The following ERG variants were observed in gnomAD, a reference collection of about 807,000 sequenced individuals.
ERG encodes the protein transcriptional regulator ERG.
In ERG, 9 loss-of-function variants were observed where a neutral mutation model predicts 55.3. The ratio of observed to expected loss-of-function variants is 0.16; its 90% CI spans 0.10 to 0.28. ERG has a LOEUF of 0.28. Among genes scored for constraint, ERG ranks in the 10% least tolerant of loss-of-function variants. ERG has a pLI of 1.00. For missense variants in ERG, 434 were observed against 631.6 expected (o/e 0.69, Z 3.35); for synonymous variants, 223 against 237.3 (o/e 0.94, Z 0.55).
chr21:38,392,235 A>G, intron 7 of ERG, 141 bp downstream of exon 7: 2 of 759,502 alleles, frequency 2.6e-6, no homozygotes, highest in South Asian at 1.5e-5. Flanking sequence ...TGAAAGATCA[A>G]TTGTACTCTT....
intron 2 of ERG, among the ~76,000 whole-genome samples, chr21:38,440,430 C>G (rs2058829749): frequency 6.6e-6 from 1 of 152,244 alleles, no homozygotes; most frequent in Non-Finnish European, 1.5e-5. Context: ...TCGAGCTGGG[C>G]TGACACAGCC....
rs927707161 is a variant in ERG, at chr21:38,460,265, G to T, written c.19-14644C>A. ...AGGAGGTGAACCAGGAAAGGCTGGG[G>T]GTGGTAGAGCCTTGCAGGCCATGGC... On this transcript the variant is annotated intron_variant, in intron 1 of 9. Transcript: ENST00000288319. This position sits in a 1 kb window ranked among gnomAD's most constrained non-coding sequence, Gnocchi z 5.0. Among the ~76,000 whole-genome samples, 1 of 152,176 alleles carries T rather than the reference G, an allele frequency of 6.6e-6. No individual in the cohort carries two copies. Among genetic ancestry groups the T allele is most frequent in the Non-Finnish European group, 1.5e-5 (1 of 68,028 alleles).
At chr21:38,514,975 G>A (rs1294489862) in intron 2 of ERG, among the ~76,000 whole-genome samples, 1 of 151,876 alleles carries the variant, frequency 6.6e-6, no homozygotes, top group African/African-American at 2.4e-5. Flanking sequence ...ATTTTTAAGT[G>A]ATACTGTTTT....
chr21:38,545,748 C>T (rs1227951176), intron 2 of ERG, among the ~76,000 whole-genome samples: 1 of 152,204 alleles, frequency 6.6e-6, no homozygotes, highest in African/African-American at 2.4e-5. Flanking sequence ...TTGGCTTCTA[C>T]TGAGCTCCAC....
intron 2 of ERG, among the ~76,000 whole-genome samples, chr21:38,538,956 C>G (rs1305923795): frequency 6.6e-6 from 1 of 152,078 alleles, no homozygotes; most frequent in African/African-American, 2.4e-5. Flanking sequence ...AACTAGGAAA[C>G]CAGAGCAGCA....
At chr21:38,409,347 G>A (rs894382347) in intron 3 of ERG, among the ~76,000 whole-genome samples, 3 of 152,114 alleles carry the variant, frequency 2.0e-5, no homozygotes, top group African/African-American at 7.2e-5. Flanking sequence ...GCCGGGTGTG[G>A]TGGCGCATGC....
chr21:38,434,621 G>A (rs1396564042), intron 2 of ERG, among the ~76,000 whole-genome samples: 2 of 152,168 alleles, frequency 1.3e-5, no homozygotes, highest in Non-Finnish European at 2.9e-5. Flanking sequence ...AAAGCCCCTC[G>A]TGTTGCAGTC....
chr21:38,638,274 T>C (rs2146966791), intron 1 of ERG, among the ~76,000 whole-genome samples: 1 of 152,302 alleles, frequency 6.6e-6, no homozygotes, highest in East Asian at 1.9e-4. Context: ...GTTGTGAGGA[T>C]TTGGGGAGTT....
intron 1 of ERG, among the ~76,000 whole-genome samples, chr21:38,635,727 T>C (rs943795801): frequency 1.3e-5 from 2 of 152,252 alleles, no homozygotes; most frequent in African/African-American, 2.4e-5. Flanking sequence ...TAAGGTTGAC[T>C]GCAGAGTTGA....
intron 4 of ERG, among the ~76,000 whole-genome samples, chr21:38,403,278 T>A (rs768080237): frequency 5.3e-5 from 8 of 152,086 alleles, no homozygotes; most frequent in Non-Finnish European, 1.0e-4. Flanking sequence ...AGTGTTGAAG[T>A]GAATTTTGGC....
intron 2 of ERG, among the ~76,000 whole-genome samples, chr21:38,568,720 A>G (rs1194329609): frequency 1.3e-5 from 2 of 152,142 alleles, no homozygotes; most frequent in Non-Finnish European, 1.5e-5. Context: ...TGATTAGCTT[A>G]GCTGAATTGA....
chr21:38,510,506 T>G (rs769506355), intron 2 of ERG, among the ~76,000 whole-genome samples: 22 of 152,214 alleles, frequency 1.4e-4, no homozygotes, highest in Non-Finnish European at 3.1e-4. Flanking sequence ...CAAGAGGTTT[T>G]GCCTAATCTG....
At chr21:38,477,254 T>A (rs1569129886) in intron 1 of ERG, among the ~76,000 whole-genome samples, 2 of 152,188 alleles carry the variant, frequency 1.3e-5, no homozygotes, top group Non-Finnish European at 2.9e-5. Context: ...TCCACCCACC[T>A]TGGCCTCCCA....
At chr21:38,580,968 C>A (rs919841022) in intron 1 of ERG, among the ~76,000 whole-genome samples, 1 of 152,200 alleles carries the variant, frequency 6.6e-6, no homozygotes, top group Admixed American at 6.5e-5. Context: ...CATATAGTCA[C>A]GTGGACATCC....
Position 38,634,047 on chromosome 21 carries a change from T to C in ERG, c.-150+27611A>G, listed in dbSNP as rs571267385. 2.6e-5 allele frequency among the ~76,000 whole-genome samples: 4 copies of C among 152,118 alleles called. No individual in the cohort carries two copies. In the South Asian group the frequency reaches 8.3e-4, roughly 32 times the overall value. On this transcript the variant is annotated intron_variant, in intron 1 of 10. Coordinates refer to the ERG transcript ENST00000398910. ...AAGAACATTGATAAAAAATAATACG[T>C]CCACAAAAATAAAACCAATATGATA...
chr21:38,619,400 C>T (rs2060277138), intron 1 of ERG, among the ~76,000 whole-genome samples: 1 of 152,160 alleles, frequency 6.6e-6, no homozygotes, highest in East Asian at 1.9e-4. Flanking sequence ...CTTACTCCCT[C>T]CCCTGTCTCT....
Position 38,460,382 on chromosome 21 carries a change from T to C in ERG, c.19-14761A>G, listed in dbSNP as rs1203720262. On this transcript the variant is annotated intron_variant, in intron 1 of 9. Transcript: ENST00000288319. The surrounding 1 kb of genome is among the most constrained non-coding windows in gnomAD (Gnocchi z 5.0). ...ATTGTCTTCTTCTGTGTTGCACTAA[T>C]ATTTTCCATCTCATAAGGGTTCTGC... is the stretch of plus-strand genomic sequence containing the variant. 1.3e-5 allele frequency among the ~76,000 whole-genome samples: 2 copies of C among 152,252 alleles called. No individual in the cohort carries two copies. The highest frequency in any genetic ancestry group is 2.9e-5 in the Non-Finnish European group (2 of 68,046).
intron 1 of ERG, among the ~76,000 whole-genome samples, chr21:38,483,684 T>C (rs1487457116): frequency 6.6e-6 from 1 of 151,238 alleles, no homozygotes; most frequent in Non-Finnish European, 1.5e-5. Flanking sequence ...CCGTCTCTAC[T>C]AAAAATACAA....
chr21:38,641,730 GA>G (rs72034132), intron 1 of ERG, among the ~76,000 whole-genome samples: 28,777 of 145,372 alleles, frequency 0.2, 3,097 homozygotes, highest in Non-Finnish European at 0.25. Flanking sequence ...AAATTAGTGT[GA>G]AAAAAAAAAC....
Sources: allele counts gnomAD v4.1 joint callset (sites outside exome capture counted in the v4.1 genomes callset), GRCh38; gene constraint gnomAD v4.1.1; non-coding constraint Gnocchi (gnomAD v3.1); transcripts MANE v1.5; gene names NCBI Gene and HGNC (gene_info 2026-07-23, HGNC 2026-07-21).